Variants in PRELID2 observed in about 807,000 individuals in gnomAD.
PRELID2 encodes PRELI domain-containing protein 2.
Under a neutral mutation model 28.4 loss-of-function variants are expected in PRELID2, and 25 were observed. That is an observed-to-expected ratio of 0.88 (90% CI 0.64 to 1.23). PRELID2 has a LOEUF of 1.23. Among genes scored for constraint, PRELID2 ranks in the 50% most tolerant of loss-of-function variants. The pLI is 0.00. For missense variants in PRELID2, 201 were observed against 214.4 expected (o/e 0.94, Z 0.39); for synonymous variants, 76 against 71.6 (o/e 1.06, Z -0.31).
chr5:145,674,178 T>A (rs1055930229), intron 1 of PRELID2, among the ~76,000 whole-genome samples: 3 of 152,328 alleles, frequency 2.0e-5, no homozygotes, highest in East Asian at 3.9e-4. Flanking sequence ...TTTTTTATTA[T>A]ACTTTAAGTT....
chr5:145,639,659 G>A (rs1218761457), intron 1 of PRELID2, among the ~76,000 whole-genome samples: 2 of 152,104 alleles, frequency 1.3e-5, no homozygotes, highest in Admixed American at 1.3e-4. Context: ...AATGCGATCT[G>A]GAAACTATTC....
At chr5:145,726,539 A>AGATG (rs1039242948) in intron 1 of PRELID2, among the ~76,000 whole-genome samples, 8 of 152,160 alleles carry the variant, frequency 5.3e-5, no homozygotes, top group Non-Finnish European at 7.3e-5. Context: ...GATGATTAAC[A>AGATG]GATGGATGGA....
chr5:145,727,291 T>C (rs558189108), intron 1 of PRELID2, among the ~76,000 whole-genome samples: 2 of 152,134 alleles, frequency 1.3e-5, no homozygotes, highest in Non-Finnish European at 2.9e-5. Context: ...CTGGATTCTA[T>C]CCAACCCACG....
the PRELID2 span, among the ~76,000 whole-genome samples, chr5:145,430,940 T>C: frequency 3.4e-5 from 5 of 148,274 alleles, no homozygotes; most frequent in African/African-American, 1.2e-4. Context: ...TTTTTTAAAA[T>C]ATAGATACCC....
At chr5:145,501,504 TC>T (rs1260606380) in intron 1 of PRELID2, among the ~76,000 whole-genome samples, 1 of 152,098 alleles carries the variant, frequency 6.6e-6, no homozygotes. Flanking sequence ...GTGGGCAGTT[TC>T]CCCCATACTG....
chr5:145,832,792 C>CCACACCA (rs764208569), intron 1 of PRELID2, among the ~76,000 whole-genome samples: 6 of 152,032 alleles, frequency 3.9e-5, no homozygotes, highest in South Asian at 2.1e-4. Context: ...ACCACACACA[C>CCACACCA]CACACCACAC....
rs1324514998 is a variant in PRELID2, at chr5:145,566,842, A to AT, written n.71-93528_71-93527insA. Among the ~76,000 whole-genome samples the AT allele has an allele frequency of 1.4e-4, 18 of 127,902 alleles. No individual in the cohort carries two copies. In the East Asian group the frequency reaches 3.6e-3, roughly 25 times the overall value. 83.9% of individuals were successfully genotyped at this position (127,902 alleles called of 152,430 possible). On this transcript the variant is annotated intron_variant and non_coding_transcript_variant, in intron 1 of 2. Transcript: ENST00000510259. Reference sequence around the variant, plus strand: ...GTGAGAGAGTGAGACTCCATCTCAAAAAAAAAAAAAAAAAAAGAGAGAGCA... The same window carrying AT: ...GTGAGAGAGTGAGACTCCATCTCAAATAAAAAAAAAAAAAAAAGAGAGAGCA...
At chr5:145,405,836 G>C in the PRELID2 span, among the ~76,000 whole-genome samples, 22 of 151,424 alleles carry the variant, frequency 1.5e-4, no homozygotes, top group East Asian at 9.9e-4. Context: ...CTCCTGAGTA[G>C]CTGGGACTAC....
the PRELID2 span, among the ~76,000 whole-genome samples, chr5:145,352,063 C>T: frequency 1.2e-4 from 19 of 152,288 alleles, no homozygotes; most frequent in East Asian, 3.7e-3. Context: ...GTGGCTTTTC[C>T]AGGTACATGG....
chr5:145,255,239 A>G, the PRELID2 span, among the ~76,000 whole-genome samples: 1 of 152,176 alleles, frequency 6.6e-6, no homozygotes, highest in Non-Finnish European at 1.5e-5. Flanking sequence ...AGAGACAAAC[A>G]TAAAGATGAC....
chr5:145,373,222 A>C, the PRELID2 span, among the ~76,000 whole-genome samples: 1 of 61,680 alleles, frequency 1.6e-5, no homozygotes, highest in African/African-American at 6.1e-5. Context: ...TATATGATAT[A>C]TATTACAACA....
the PRELID2 span, among the ~76,000 whole-genome samples, chr5:145,373,416 A>C: frequency 0.018 from 1,107 of 62,000 alleles, 48 homozygotes; most frequent in African/African-American, 0.075. Context: ...ATTACAACAT[A>C]TATAATATAT....
At chr5:145,301,424 T>C in the PRELID2 span, among the ~76,000 whole-genome samples, 2 of 152,220 alleles carry the variant, frequency 1.3e-5, no homozygotes, top group South Asian at 2.1e-4. Flanking sequence ...ATCAGGCATG[T>C]ATAACATGGA....
At chr5:145,669,354 G>A (rs1754658935) in intron 1 of PRELID2, among the ~76,000 whole-genome samples, 1 of 152,028 alleles carries the variant, frequency 6.6e-6, no homozygotes, top group Non-Finnish European at 1.5e-5. Context: ...TTCTTAATTA[G>A]TGAATTCTAC....
At chr5:145,689,443 C>A (rs963381270) in intron 1 of PRELID2, among the ~76,000 whole-genome samples, 1 of 152,216 alleles carries the variant, frequency 6.6e-6, no homozygotes, top group African/African-American at 2.4e-5. Flanking sequence ...CTTCCAGCTT[C>A]CTCTCTCTCA....
At chr5:145,696,545 T>A (rs1029015313) in intron 1 of PRELID2, among the ~76,000 whole-genome samples, 4 of 152,122 alleles carry the variant, frequency 2.6e-5, no homozygotes, top group Non-Finnish European at 5.9e-5. Context: ...TACTGAACCC[T>A]CGATCTCCCA....
intron 1 of PRELID2, among the ~76,000 whole-genome samples, chr5:145,562,507 G>T (rs1381439796): frequency 6.6e-6 from 1 of 152,154 alleles, no homozygotes; most frequent in African/African-American, 2.4e-5. Context: ...GAAGTGGTTT[G>T]CTTTGGTGCA....
the PRELID2 span, among the ~76,000 whole-genome samples, chr5:145,300,321 T>C: frequency 6.6e-6 from 1 of 152,122 alleles, no homozygotes; most frequent in Non-Finnish European, 1.5e-5. Context: ...TCGTTTCTAA[T>C]AGAAAGTAAT....
At chr5:145,827,822 C>A (rs75289178) in intron 1 of PRELID2, among the ~76,000 whole-genome samples, 2 of 152,236 alleles carry the variant, frequency 1.3e-5, no homozygotes, top group African/African-American at 4.8e-5. Flanking sequence ...ACACTGGCAG[C>A]TAAATGCAAT....
Sources: allele counts gnomAD v4.1 joint callset (sites outside exome capture counted in the v4.1 genomes callset), GRCh38; gene constraint gnomAD v4.1.1; transcripts MANE v1.5; gene names NCBI Gene and HGNC (gene_info 2026-07-23, HGNC 2026-07-21).